PHACTR1: variants seen among roughly 807,000 people sequenced by gnomAD.
PHACTR1 encodes RPEL repeat containing 1.
PHACTR1 carries 16 observed loss-of-function variants against 69.2 expected under a neutral mutation model. The ratio of observed to expected loss-of-function variants is 0.23; its 90% CI spans 0.16 to 0.35. The LOEUF is 0.35. Ranked by LOEUF, PHACTR1 falls within the 10% of genes least tolerant of loss-of-function variation. The pLI is 1.00. For missense variants in PHACTR1, 510 were observed against 734.7 expected, an observed-to-expected ratio of 0.69 and a Z score of 3.54; for synonymous variants, 312 against 284.5, an observed-to-expected ratio of 1.10 and a Z score of -0.97.
At chr6:13,089,077 G>T (rs1748761021) in intron 5 of PHACTR1, among the ~76,000 whole-genome samples, 1 of 152,194 alleles carries the variant, frequency 6.6e-6, no homozygotes, top group Admixed American at 6.5e-5. Context: ...TGTGCAATCA[G>T]ACAGGGACCT....
chr6:13,078,764 T>G (rs1810928104), intron 5 of PHACTR1, among the ~76,000 whole-genome samples: 1 of 152,162 alleles, frequency 6.6e-6, no homozygotes, highest in Non-Finnish European at 1.5e-5. Context: ...CCCCCAGAGA[T>G]CATATTCCAG....
intron 6 of PHACTR1, among the ~76,000 whole-genome samples, chr6:13,178,722 G>C (rs1291941411): frequency 1.3e-5 from 2 of 152,178 alleles, no homozygotes; most frequent in African/African-American, 4.8e-5. Flanking sequence ...ATTTTTCAAA[G>C]CCATTATCAC....
At chr6:12,728,012 G>C (rs937771748) in intron 3 of PHACTR1, among the ~76,000 whole-genome samples, 1 of 151,178 alleles carries the variant, frequency 6.6e-6, no homozygotes, top group African/African-American at 2.5e-5. Flanking sequence ...TTGGCCAAAA[G>C]GGGAAAAAAA....
chr6:12,800,624 A>G (rs1227323836), intron 4 of PHACTR1, among the ~76,000 whole-genome samples: 1 of 152,182 alleles, frequency 6.6e-6, no homozygotes, highest in Admixed American at 6.5e-5. Context: ...CGTGCCTCAT[A>G]CCTGTAATCC....
chr6:13,069,504 G>A (rs1325559810), intron 5 of PHACTR1, among the ~76,000 whole-genome samples: 3 of 151,956 alleles, frequency 2.0e-5, no homozygotes, highest in Admixed American at 2.0e-4. Flanking sequence ...GACCAGTCCT[G>A]GGAGTCATGC....
intron 3 of PHACTR1, among the ~76,000 whole-genome samples, chr6:12,724,677 C>T (rs2127561902): frequency 1.3e-5 from 2 of 152,314 alleles, no homozygotes; most frequent in Admixed American, 1.3e-4. Context: ...CCTGACCAAA[C>T]CACACTTCCA....
At chr6:12,786,803 T>G (rs577018244) in intron 4 of PHACTR1, among the ~76,000 whole-genome samples, 1 of 152,372 alleles carries the variant, frequency 6.6e-6, no homozygotes, top group South Asian at 2.1e-4. Context: ...CAAGGCATGC[T>G]TGAAACCATA....
At chr6:12,793,390 C>T (rs1424866199) in intron 4 of PHACTR1, among the ~76,000 whole-genome samples, 1 of 152,176 alleles carries the variant, frequency 6.6e-6, no homozygotes, top group African/African-American at 2.4e-5. Flanking sequence ...CAAGTCTTAA[C>T]TGAATGGGAT....
intron 4 of PHACTR1, among the ~76,000 whole-genome samples, chr6:12,827,020 A>T (rs1776874134): frequency 6.6e-6 from 1 of 152,172 alleles, no homozygotes; most frequent in South Asian, 2.1e-4. Flanking sequence ...ATTCTGTGGG[A>T]TACCCACTTT....
At chr6:12,909,778 G>A (rs1786165511) in intron 4 of PHACTR1, among the ~76,000 whole-genome samples, 1 of 152,192 alleles carries the variant, frequency 6.6e-6, no homozygotes, top group African/African-American at 2.4e-5. Flanking sequence ...CTTAAGATCG[G>A]CAGCATTCCC....
At chr6:13,064,565 T>G (rs1457427372) in intron 5 of PHACTR1, among the ~76,000 whole-genome samples, 2 of 1,754 alleles carry the variant, frequency 1.1e-3, no homozygotes, top group East Asian at 0.011. Context: ...TATATATATA[T>G]ATATATATAT....
chr6:12,812,434 C>A (rs1195736604), intron 4 of PHACTR1, among the ~76,000 whole-genome samples: 2 of 152,130 alleles, frequency 1.3e-5, no homozygotes, highest in East Asian at 3.9e-4. Flanking sequence ...TGTAATAGCA[C>A]TAAGATAAAG....
rs76492613 is a variant in PHACTR1 at position 12,915,839 on chromosome 6, A to T, written c.251-137526A>T. Among the ~76,000 whole-genome samples, 47 of 152,282 alleles carry T rather than the reference A, an allele frequency of 3.1e-4. 1 individual carries two copies. In the East Asian group the frequency reaches 8.5e-3, roughly 28 times the overall value. On this transcript the variant is annotated intron_variant, in intron 4 of 14. Transcript: ENST00000332995. ...AGTTCATCCTCTTCTTTGCTCTCAC[A>T]TGGACTTTGGCCACAGCCTCATGAC...
chr6:13,152,931 C>T (rs1280351345), intron 5 of PHACTR1, among the ~76,000 whole-genome samples: 1 of 151,716 alleles, frequency 6.6e-6, no homozygotes, highest in Non-Finnish European at 1.5e-5. Context: ...CCAGCAGGAA[C>T]ACTTTCAGTG....
intron 4 of PHACTR1, among the ~76,000 whole-genome samples, chr6:12,850,212 T>C (rs189554927): frequency 2.6e-5 from 4 of 152,370 alleles, no homozygotes; most frequent in African/African-American, 9.6e-5. Flanking sequence ...GATCTCCTTC[T>C]TCCGTCACAA....
intron 5 of PHACTR1, among the ~76,000 whole-genome samples, chr6:13,059,385 G>C (rs1287676217): frequency 6.6e-6 from 1 of 152,004 alleles, no homozygotes; most frequent in African/African-American, 2.4e-5. Flanking sequence ...GTATAATACA[G>C]TGCCTCTAAT....
chr6:13,045,965 C>T (rs542141728), intron 4 of PHACTR1, among the ~76,000 whole-genome samples: 1 of 152,294 alleles, frequency 6.6e-6, no homozygotes, highest in African/African-American at 2.4e-5. Flanking sequence ...CCTTTCTCCA[C>T]CACTCCCAGA....
chr6:12,846,305 A>G (rs1779257713), intron 4 of PHACTR1, among the ~76,000 whole-genome samples: 1 of 152,206 alleles, frequency 6.6e-6, no homozygotes, highest in Admixed American at 6.5e-5. Context: ...AATCTTAACT[A>G]TTCTGTAAAT....
chr6:13,069,991 G>A (rs895597299), intron 5 of PHACTR1, among the ~76,000 whole-genome samples: 1 of 152,168 alleles, frequency 6.6e-6, no homozygotes, highest in Non-Finnish European at 1.5e-5. Flanking sequence ...TCAGATCTCT[G>A]TTGGCAAGTC....
Sources: gnomAD v4.1 joint callset for allele counts (sites outside exome capture counted in the v4.1 genomes callset) on GRCh38, gnomAD v4.1.1 for gene constraint, MANE v1.5 for transcripts, NCBI Gene and HGNC (gene_info 2026-07-23, HGNC 2026-07-21) for gene names.